Variants in NPAS3 observed in about 807,000 individuals in gnomAD.
NPAS3 encodes the protein neuronal PAS domain-containing protein 3.
A neutral mutation model predicts 73.1 loss-of-function variants in NPAS3; 14 were observed. The observed-to-expected ratio is 0.19, with a 90% CI of 0.13 to 0.30. The LOEUF is 0.30. Among genes scored for constraint, NPAS3 ranks in the 10% least tolerant of loss-of-function variants. The pLI, the probability that NPAS3 is intolerant of heterozygous loss-of-function variation, is 1.00. For missense variants in NPAS3, 1,096 were observed against 1,250.0 expected (o/e 0.88, Z 1.86); for synonymous variants, 620 against 541.5 (o/e 1.14, Z -2.01).
chr14:33,488,258 GTAAGTGTGAC>G (rs1256378808), intron 4 of NPAS3, among the ~76,000 whole-genome samples: 2 of 152,040 alleles, frequency 1.3e-5, no homozygotes, highest in Non-Finnish European at 2.9e-5. Flanking sequence ...TGGAAGGGAA[GTAAGTGTGAC>G]TACAGTTTAG....
At chr14:33,122,478 C>T (rs867089976) in intron 2 of NPAS3, among the ~76,000 whole-genome samples, 43 of 152,088 alleles carry the variant, frequency 2.8e-4, no homozygotes, top group African/African-American at 8.7e-4. Context: ...ACTCAAAAAC[C>T]ACTTATTTTT....
chr14:33,034,059 C>G (rs1336362469), intron 1 of NPAS3, among the ~76,000 whole-genome samples: 1 of 152,040 alleles, frequency 6.6e-6, no homozygotes, highest in East Asian at 1.9e-4. Flanking sequence ...CTTTTAATCA[C>G]TGCATTTTTA....
At chr14:33,636,573 C>T (rs2058522725) in intron 5 of NPAS3, among the ~76,000 whole-genome samples, 1 of 152,158 alleles carries the variant, frequency 6.6e-6, no homozygotes, top group South Asian at 2.1e-4. Context: ...TATGTGGCAG[C>T]ATGGGAGAGT....
intron 1 of NPAS3, among the ~76,000 whole-genome samples, chr14:32,957,047 G>A (rs1001897649): frequency 6.6e-6 from 1 of 152,104 alleles, no homozygotes; most frequent in Non-Finnish European, 1.5e-5. Flanking sequence ...GATGATTTTA[G>A]TTAATTTGTC....
intron 3 of NPAS3, among the ~76,000 whole-genome samples, chr14:33,343,752 A>G (rs1006356915): frequency 6.6e-6 from 1 of 152,220 alleles, no homozygotes; most frequent in Admixed American, 6.5e-5. Context: ...AATACGTAAC[A>G]TGCAGTTGTA....
intron 7 of NPAS3, among the ~76,000 whole-genome samples, chr14:33,746,555 G>A (rs1216733997): frequency 7.1e-6 from 1 of 140,542 alleles, no homozygotes; most frequent in Admixed American, 7.1e-5. Context: ...AAATATATTT[G>A]TAACACTATT....
rs149113437 is a variant in NPAS3 at position 33,508,936 on chromosome 14, G to A, written c.469-51185G>A. ...GCCCTTAGCTGCCCTGCGGTCTCTG[G>A]CATGAGGTCTCTGTTCATGCTCTAA... On this transcript the variant is annotated intron_variant, in intron 4 of 11. Coordinates refer to ENST00000356141, the Ensembl canonical transcript of NPAS3. Among the ~76,000 whole-genome samples, 69 of 152,044 alleles carry A rather than the reference G, an allele frequency of 4.5e-4. 2 individuals are homozygous for A. The East Asian group carries it at 9.5e-3, about 21-fold the overall frequency.
intron 1 of NPAS3, among the ~76,000 whole-genome samples, chr14:33,020,649 G>T (rs2039559369): frequency 6.6e-6 from 1 of 152,052 alleles, no homozygotes; most frequent in African/African-American, 2.4e-5. Flanking sequence ...GATCTCAGTG[G>T]CTATTTTGCT....
intron 5 of NPAS3, among the ~76,000 whole-genome samples, chr14:33,670,054 C>G (rs1441607788): frequency 6.6e-6 from 1 of 152,104 alleles, no homozygotes; most frequent in African/African-American, 2.4e-5. Flanking sequence ...TGCAGTGTCT[C>G]TTTGGGTGCT....
intron 2 of NPAS3, among the ~76,000 whole-genome samples, chr14:33,120,552 T>A (rs2043199795): frequency 6.6e-6 from 1 of 151,834 alleles, no homozygotes; most frequent in Admixed American, 6.6e-5. Flanking sequence ...TGTTCAGTTT[T>A]CATTGTGATT....
At chr14:33,728,129 A>G (rs575385038) in intron 6 of NPAS3, among the ~76,000 whole-genome samples, 178 of 152,280 alleles carry the variant, frequency 1.2e-3, no homozygotes, top group African/African-American at 4.2e-3. Context: ...GGCAGCCAGC[A>G]AACACTCTCT....
At chr14:33,136,159 T>G (rs1305888944) in intron 2 of NPAS3, among the ~76,000 whole-genome samples, 4 of 150,910 alleles carry the variant, frequency 2.7e-5, no homozygotes, top group Non-Finnish European at 4.4e-5. Context: ...CTCCCAGGTT[T>G]AAGCAATTCT....
At chr14:33,297,657 G>A (rs2042356389) in intron 3 of NPAS3, among the ~76,000 whole-genome samples, 2 of 152,088 alleles carry the variant, frequency 1.3e-5, no homozygotes, top group African/African-American at 4.8e-5. Flanking sequence ...AATATTTTGG[G>A]TTCTCCTTGG....
intron 7 of NPAS3, among the ~76,000 whole-genome samples, chr14:33,769,445 T>A (rs1438773387): frequency 1.3e-5 from 2 of 152,216 alleles, no homozygotes; most frequent in Non-Finnish European, 2.9e-5. Flanking sequence ...GGCACAAAAA[T>A]TATGATACCA....
chr14:33,236,510 AC>A (rs2048039022), intron 3 of NPAS3, among the ~76,000 whole-genome samples: 2 of 152,256 alleles, frequency 1.3e-5, no homozygotes, highest in South Asian at 4.1e-4. Context: ...AACAAGACTT[AC>A]TGATATAAAA....
In NPAS3 at chr14:33,675,467, C is replaced by CAAAG. The variant is rs2059735183; in HGVS notation, c.559-742_559-739dup. On this transcript the variant is annotated intron_variant, in intron 5 of 11. Coordinates refer to ENST00000356141, the Ensembl canonical transcript of NPAS3. ...AGTTAGTTAGAGAGTTAGCCTGATTCAAAGAGTATACAAAATAAAACATTT... is the reference window on the plus strand; with the variant it reads ...AGTTAGTTAGAGAGTTAGCCTGATTCAAAGAAAGAGTATACAAAATAAAACATTT... Among the ~76,000 whole-genome samples, 5 of 152,122 alleles carry CAAAG rather than the reference C, an allele frequency of 3.3e-5. No homozygotes were observed. The South Asian group carries it at 1.0e-3, about 32-fold the overall frequency.
At chr14:33,168,373 A>G (rs2045249388) in intron 2 of NPAS3, among the ~76,000 whole-genome samples, 2 of 152,176 alleles carry the variant, frequency 1.3e-5, no homozygotes, top group African/African-American at 4.8e-5. Context: ...TCACAAGGAA[A>G]ACAAAGACAC....
chr14:33,218,203 C>T (rs1211991594), intron 3 of NPAS3, among the ~76,000 whole-genome samples: 3 of 152,084 alleles, frequency 2.0e-5, no homozygotes, highest in Admixed American at 1.3e-4. Flanking sequence ...AAAATTCCAT[C>T]CAGATGGTGG....
At chr14:33,256,961 G>A (rs1324100351) in intron 3 of NPAS3, among the ~76,000 whole-genome samples, 5 of 152,160 alleles carry the variant, frequency 3.3e-5, no homozygotes, top group African/African-American at 4.8e-5. Flanking sequence ...AAAGAGGTCT[G>A]GAAGCAGACT....
Sources: allele counts gnomAD v4.1 joint callset (sites outside exome capture counted in the v4.1 genomes callset), GRCh38; gene constraint gnomAD v4.1.1; transcripts MANE v1.5; gene names NCBI Gene and HGNC (gene_info 2026-07-23, HGNC 2026-07-21).